ZNF224: variants seen among roughly 807,000 people sequenced by gnomAD.
ZNF224 encodes bone marrow zinc finger 2.
ZNF224 carries 8 observed loss-of-function variants against 10.5 expected under a neutral mutation model. The ratio of observed to expected loss-of-function variants is 0.76; its 90% confidence interval spans 0.45 to 1.37. ZNF224 has a LOEUF of 1.37. Ranked by LOEUF, ZNF224 falls within the 40% of genes most tolerant of loss-of-function variation. The pLI, the probability that ZNF224 is intolerant of heterozygous loss-of-function variation, is 0.00. For missense variants in ZNF224, 754 were observed against 854.0 expected, an observed-to-expected ratio of 0.88 and a Z score of 1.46; for synonymous variants, 282 against 287.8, an observed-to-expected ratio of 0.98 and a Z score of 0.20.
chr19:44,094,575 C>A (rs1359057849), intron 1 of ZNF224, 45 bp downstream of exon 1: 1 of 152,582 alleles, frequency 6.6e-6, no homozygotes, highest in Non-Finnish European at 1.5e-5. Context: ...GTCCGTGGCA[C>A]CTTCTTGGGC....
Position 44,107,476 on chromosome 19 carries a change from G to A in ZNF224, c.1316G>A (p.Arg439Lys). The A allele has an allele frequency of 6.2e-7, 1 of 1,604,768 alleles. No homozygotes were observed. Among genetic ancestry groups the A allele is most frequent in the East Asian group, 2.2e-5 (1 of 44,728 alleles). ...GTGGAGTGTGGGAAGGGCTACAAAA[G>A]GAGGTTGGATCTTGACTTTCACCAG... ...KCVECGKGYKRRLDLDFHQRV... is the reference protein window; with the variant it reads ...KCVECGKGYKKRLDLDFHQRV... The change falls in exon 6 of 6, where the codon AGG (arginine) becomes AAG (lysine). Residue 439 changes from arginine (R) to lysine (K), a missense_variant. By Grantham distance (26) the Arg-to-Lys change is conservative. Coordinates refer to ENST00000693561, the MANE Select transcript of ZNF224 (RefSeq NM_001321645.3).
chr19:44,107,012 G>A lies in ZNF224; in HGVS notation c.852G>A (p.Gly284=). 1.2e-6 allele frequency: 2 copies of A among 1,608,512 alleles called. No homozygotes were observed. The highest frequency in any genetic ancestry group is 1.7e-6 in the Non-Finnish European group (2 of 1,176,910). The change falls in exon 6 of 6, where the codon GGG becomes GGA. Residue 284 remains glycine, a synonymous_variant. Coordinates refer to ENST00000693561, the MANE Select transcript of ZNF224 (RefSeq NM_001321645.3). ...QLQEHQRIHT[G]EKPFKCDICG... is the part of the protein sequence containing the mutation. ...AAGAACATCAGAGAATCCATACGGG[G>A]GAGAAGCCATTCAAATGTGATATAT... is the stretch of plus-strand genomic sequence containing the variant.
At chr19:44,095,400 G>A (rs897122313) in intron 1 of ZNF224, 1 of 152,304 alleles carries the variant, frequency 6.6e-6, no homozygotes, top group Admixed American at 6.5e-5. Flanking sequence ...GTGGAGCTGG[G>A]GTTGGAACCT....
intron 3 of ZNF224, 114 bp from the exon 4 acceptor site, chr19:44,100,687 T>C (rs866927344): frequency 1.5e-6 from 2 of 1,328,744 alleles, no homozygotes; most frequent in African/African-American, 1.5e-5. Flanking sequence ...AGTTGACCTA[T>C]GTCTCTCAAG....
intron 1 of ZNF224, chr19:44,094,789 C>T (rs980821572): frequency 2.0e-5 from 3 of 152,248 alleles, no homozygotes; most frequent in African/African-American, 7.2e-5. Context: ...TTAGGGCCAT[C>T]CTAATGGAAT....
chr19:44,097,343 C>G (rs1237596894), intron 2 of ZNF224, among the ~76,000 whole-genome samples: 1 of 152,186 alleles, frequency 6.6e-6, no homozygotes, highest in Non-Finnish European at 1.5e-5. Context: ...AATGGAGTAA[C>G]CATCACCACA....
intron 3 of ZNF224, among the ~76,000 whole-genome samples, chr19:44,099,110 T>C (rs1967497595): frequency 6.6e-6 from 1 of 152,146 alleles, no homozygotes; most frequent in Non-Finnish European, 1.5e-5. Context: ...GAATTCTCCA[T>C]TGAGGGAACT....
At position 44,097,859 on chromosome 19, in the gene ZNF224, G is replaced by C. The variant is rs1967471352; in HGVS notation, c.-15G>C. On this transcript the variant is annotated 5_prime_UTR_variant, in exon 3 of 6. Coordinates refer to ENST00000693561, the MANE Select transcript of ZNF224 (RefSeq NM_001321645.3). ...TCACTCAGGACTCTGCAAGTTTCCA[G>C]AAGTAAGAGGGAAAATGACCACGTT... The C allele has an allele frequency of 1.2e-6, 2 of 1,613,874 alleles. No homozygotes were observed. The highest frequency in any genetic ancestry group is 2.2e-5 in the South Asian group (2 of 91,020).
chr19:44,101,731 G>T (rs531603746), intron 5 of ZNF224, among the ~76,000 whole-genome samples: 3 of 152,304 alleles, frequency 2.0e-5, no homozygotes, highest in African/African-American at 7.2e-5. Context: ...GATGAAGTCT[G>T]ATACATCTCA....
In ZNF224 at chr19:44,106,243, C is replaced by T; in HGVS notation, c.236-153C>T. The T allele has an allele frequency of 5.2e-6, 4 of 772,534 alleles. No homozygotes were observed. In the South Asian group the frequency reaches 7.6e-5, roughly 15 times the overall value. The allele number at this position is 772,534 out of a possible 1,614,324, so 47.9% of individuals were successfully genotyped here. A position where few individuals can be genotyped will look rare whatever the true frequency, so the allele number is the denominator to read the frequency against. On this transcript the variant is annotated intron_variant, in intron 5 of 5. Coordinates refer to ENST00000693561, the MANE Select transcript of ZNF224 (RefSeq NM_001321645.3). ...ATACTTGGTTTAGTTCGAAATTGGCCTCATCCAAACCAAAGATTATGGTGC... is the reference window on the plus strand; with the variant it reads ...ATACTTGGTTTAGTTCGAAATTGGCTTCATCCAAACCAAAGATTATGGTGC...
chr19:44,101,670 C>T (rs969312368), intron 5 of ZNF224, among the ~76,000 whole-genome samples: 5 of 152,202 alleles, frequency 3.3e-5, no homozygotes, highest in African/African-American at 1.2e-4. Flanking sequence ...CCAGTGACCA[C>T]AGACTGAGCA....
In ZNF224 at chr19:44,106,899, C is replaced by A. The variant is rs1402296361; in HGVS notation, c.739C>A (p.Leu247Ile). Reference sequence around the variant, plus strand: ...GAAAGGCTTCAGTCGTAGATCAGCACTTAATGTTCATCATAAATTACACAC... The same window carrying A: ...GAAAGGCTTCAGTCGTAGATCAGCAATTAATGTTCATCATAAATTACACAC... ...CGKGFSRRSA[L>I]NVHHKLHTGE... The change falls in exon 6 of 6, where the codon CTT becomes ATT. Residue 247 changes from leucine to isoleucine, a missense_variant. Coordinates refer to ENST00000693561, the MANE Select transcript of ZNF224 (RefSeq NM_001321645.3). 1 of 1,609,534 alleles carries A rather than the reference C, an allele frequency of 6.2e-7. No homozygotes were observed. The highest frequency in any genetic ancestry group is 8.5e-7 in the Non-Finnish European group (1 of 1,176,922).
In ZNF224 at chr19:44,107,860, C is replaced by G; in HGVS notation, c.1700C>G (p.Pro567Arg). The G allele has an allele frequency of 6.2e-7, 1 of 1,601,674 alleles. No individual in the cohort carries two copies. Among genetic ancestry groups the G allele is most frequent in the Non-Finnish European group, 8.5e-7 (1 of 1,172,442 alleles). Residue 567 changes from proline (P) to arginine (R), a missense_variant, in exon 6 of 6, where the codon CCA becomes CGA. Coordinates refer to ENST00000693561, the MANE Select transcript of ZNF224 (RefSeq NM_001321645.3). ...KHQRLHSGEK[P>R]FKCEECGKRF... ...CAGAGACTGCACAGTGGAGAAAAAC[C>G]ATTCAAATGTGAAGAGTGTGGGAAA... is the stretch of plus-strand genomic sequence containing the variant.
Position 44,108,168 on chromosome 19 carries a change from C to T in ZNF224, c.2008C>T (p.His670Tyr), listed in dbSNP as rs1967745650. Residue 670 changes from histidine to tyrosine, a missense_variant, in exon 6 of 6, where the codon CAT becomes TAT. By Grantham distance (83) the His-to-Tyr change is moderately conservative. Coordinates refer to ENST00000693561, the MANE Select transcript of ZNF224 (RefSeq NM_001321645.3). ...CAACAGGCGCTTGAATCTTGATATG[C>T]ATCAGAGGGTCCACATGGGAGAGAA... ...GYNRRLNLDMHQRVHMGEKTW... is the reference protein window; with the variant it reads ...GYNRRLNLDMYQRVHMGEKTW... 1 of 1,614,102 alleles carries T rather than the reference C, an allele frequency of 6.2e-7. No individual in the cohort carries two copies. Among genetic ancestry groups the T allele is most frequent in the African/African-American group, 1.3e-5 (1 of 74,934 alleles).
rs765706639 is a variant in ZNF224 at position 44,100,909 on chromosome 19, A to G, written c.124A>G (p.Arg42Gly). Residue 42 changes from arginine to glycine, a missense_variant, in exon 4 of 6, where the codon AGG becomes GGG. Transcript: ENST00000693561. ...LYRDVMLENF[R>G]NLLSVGHQAF... The stretch of plus-strand genomic sequence containing the variant: ...TCGAGATGTGATGCTGGAGAACTTC[A>G]GGAACCTGCTCTCAGTGGGTGAGGA... The G allele has an allele frequency of 2.5e-6, 4 of 1,614,082 alleles. No individual in the cohort carries two copies. The South Asian group carries it at 4.4e-5, about 18-fold the overall frequency.
Position 44,106,726 on chromosome 19 carries a change from C to T in ZNF224, c.566C>T (p.Ser189Leu), listed in dbSNP as rs778598200. 6.2e-7 allele frequency: 1 copy of T among 1,609,054 alleles called. No individual in the cohort carries two copies. Among genetic ancestry groups the T allele is most frequent in the South Asian group, 1.1e-5 (1 of 90,306 alleles). Reference sequence around the variant, plus strand: ...TGTGGAAAGAACTTTTGTTACATCTCAGCCCTTCGTATTCATCAGAGAGTC... The same window carrying T: ...TGTGGAAAGAACTTTTGTTACATCTTAGCCCTTCGTATTCATCAGAGAGTC... Reference protein sequence around the residue: ...DECGKNFCYISALRIHQRVHM... With the variant: ...DECGKNFCYILALRIHQRVHM... The change falls in exon 6 of 6, where the codon TCA (serine) becomes TTA (leucine). Residue 189 changes from serine to leucine, a missense_variant. Coordinates refer to ENST00000693561, the MANE Select transcript of ZNF224 (RefSeq NM_001321645.3).
intron 5 of ZNF224, among the ~76,000 whole-genome samples, chr19:44,104,694 C>T (rs1009860360): frequency 7.9e-5 from 12 of 151,068 alleles, no homozygotes; most frequent in Admixed American, 7.2e-4. Context: ...CGGAGTCTCG[C>T]TCTGTCACCC....
Position 44,109,054 on chromosome 19 carries a change from G to T in ZNF224, c.*770G>T. The T allele has an allele frequency of 5.6e-6, 1 of 177,200 alleles. No homozygotes were observed. The highest frequency in any genetic ancestry group is 1.1e-4 in the South Asian group (1 of 8,856). 11.0% of individuals were successfully genotyped at this position (177,200 alleles called of 1,614,324 possible). A position where few individuals can be genotyped will look rare whatever the true frequency, so the allele number is the denominator to read the frequency against. ...TTTGTGGCTCTATGAAATGTCCATT[G>T]CTTGTATACGGTATAAATTTAATTA... On this transcript the variant is annotated 3_prime_UTR_variant, in exon 6 of 6. Coordinates refer to ENST00000693561, the MANE Select transcript of ZNF224 (RefSeq NM_001321645.3).
intron 5 of ZNF224, among the ~76,000 whole-genome samples, chr19:44,103,976 C>T (rs1252976529): frequency 6.6e-6 from 1 of 152,178 alleles, no homozygotes; most frequent in East Asian, 1.9e-4. Flanking sequence ...CAGACATGAG[C>T]CACTGTGCCT....
Sources: gnomAD v4.1 joint callset for allele counts (sites outside exome capture counted in the v4.1 genomes callset) on GRCh38, gnomAD v4.1.1 for gene constraint, MANE v1.5 for transcripts, NCBI Gene and HGNC (gene_info 2026-07-23, HGNC 2026-07-21) for gene names.